TMEM71: variants seen among roughly 807,000 people sequenced by gnomAD.
TMEM71 encodes transmembrane protein 71.
TMEM71 carries 44 observed loss-of-function variants against 38.0 expected under a neutral mutation model. That is an observed-to-expected ratio of 1.16 (90% CI 0.91 to 1.49). The LOEUF is 1.49. Among genes scored for constraint, TMEM71 ranks in the 40% most tolerant of loss-of-function variants. TMEM71 has a pLI of 0.00. For missense variants in TMEM71, 367 were observed against 348.6 expected (o/e 1.05, Z -0.42); for synonymous variants, 133 against 122.5 (o/e 1.09, Z -0.56).
intron 5 of TMEM71, among the ~76,000 whole-genome samples, chr8:132,732,685 G>A (rs1047226105): frequency 6.6e-6 from 1 of 152,150 alleles, no homozygotes; most frequent in African/African-American, 2.4e-5. Context: ...AGTGACTATG[G>A]GGCTCCAAGA....
In TMEM71 at chr8:132,722,008, A is replaced by C. The variant is rs139797787; in HGVS notation, c.752+32T>G. ...CAGCTATAGTTTCACTAATTATGAAATACCGCTGCATGAAAATAAAACGTG... is the reference window on the plus strand; with the variant it reads ...CAGCTATAGTTTCACTAATTATGAACTACCGCTGCATGAAAATAAAACGTG... On this transcript the variant is annotated intron_variant, in intron 7 of 9. Coordinates refer to ENST00000677595, the MANE Select transcript of TMEM71 (RefSeq NM_001382403.1). 5.3e-4 allele frequency: 824 copies of C among 1,562,060 alleles called. 2 individuals are homozygous for C. The African/African-American group carries it at 9.7e-3, about 18-fold the overall frequency.
chr8:132,709,123 A>C (rs1826136781), downstream of TMEM71, among the ~76,000 whole-genome samples: 1 of 152,210 alleles, frequency 6.6e-6, no homozygotes, highest in Non-Finnish European at 1.5e-5. Flanking sequence ...TTATCATTTA[A>C]ATCAAATGAC....
At position 132,716,429 on chromosome 8, in the gene TMEM71, T is replaced by C. The variant is rs568765940; in HGVS notation, c.753-2214A>G. 2.3e-4 allele frequency among the ~76,000 whole-genome samples: 35 copies of C among 152,326 alleles called. 1 individual carries two copies. Among genetic ancestry groups the C allele is most frequent in the African/African-American group, 8.2e-4 (34 of 41,572 alleles). The stretch of plus-strand genomic sequence containing the variant: ...ACACTGTATATTCCATAGCATATTT[T>C]GTCTGTAAAAAAGCTACTCAGACCA... On this transcript the variant is annotated intron_variant, in intron 7 of 9. Transcript: ENST00000677595.
chr8:132,753,632 G>A (rs1010023630), intron 3 of TMEM71, among the ~76,000 whole-genome samples: 2 of 152,094 alleles, frequency 1.3e-5, no homozygotes, highest in Admixed American at 1.3e-4. Flanking sequence ...ATGGACTGCA[G>A]CATAGTGGAC....
At position 132,727,818 on chromosome 8, in the gene TMEM71, T is replaced by C. The variant is rs756497845; in HGVS notation, c.656A>G (p.Glu219Gly). Reference protein sequence around the residue: ...SQLTASERFQENSSDHSETRL... With the variant: ...SQLTASERFQGNSSDHSETRL... ...CTCACCTGAATGATCCGAACTATTC[T>C]CTTGGAAACGTTCAGAAGCTGTCAA... Residue 219 changes from glutamate to glycine, a missense_variant, in exon 6 of 10, where the codon GAG (glutamate) becomes GGG (glycine). Glu to Gly is a moderately conservative substitution (Grantham distance 98). Transcript: ENST00000677595. 1.2e-5 allele frequency: 20 copies of C among 1,612,080 alleles called. No homozygotes were observed. The highest frequency in any genetic ancestry group is 6.7e-5 in the Admixed American group (4 of 59,638).
intron 3 of TMEM71, among the ~76,000 whole-genome samples, chr8:132,753,323 TGA>T (rs1434460701): frequency 6.6e-6 from 1 of 150,948 alleles, no homozygotes; most frequent in African/African-American, 2.5e-5. Context: ...TGGTTTTTTG[TGA>T]ATCAATTAAC....
the TMEM71 span, among the ~76,000 whole-genome samples, chr8:132,766,940 A>G: frequency 2.2e-4 from 34 of 152,314 alleles, no homozygotes; most frequent in African/African-American, 8.2e-4. Flanking sequence ...AGACTTCTAA[A>G]ACATCTTAGC....
At chr8:132,707,076 A>G (rs1471370469), downstream of TMEM71, among the ~76,000 whole-genome samples, 2 of 152,242 alleles carry the variant, frequency 1.3e-5, no homozygotes, top group East Asian at 1.9e-4. Flanking sequence ...TAAAGTCTAC[A>G]AGACAAATGA....
intron 7 of TMEM71, among the ~76,000 whole-genome samples, chr8:132,718,819 T>C (rs972862197): frequency 6.6e-6 from 1 of 152,254 alleles, no homozygotes; most frequent in Non-Finnish European, 1.5e-5. Context: ...GCCAATATGA[T>C]GGGTGATGAT....
chr8:132,769,115 G>A, the TMEM71 span, among the ~76,000 whole-genome samples: 4 of 152,346 alleles, frequency 2.6e-5, no homozygotes, highest in Non-Finnish European at 5.9e-5. Context: ...AGAAATGGAA[G>A]TAGAATATTT....
At position 132,728,013 on chromosome 8, in the gene TMEM71, AGTGTGTGTGTGTGTGT is replaced by A. The variant is rs59776482; in HGVS notation, c.488-43_488-28del. ...TGAAAAAGCAGAGGGGTTCAGTGTG[AGTGTGTGTGTGTGTGT>A]GTGTGTGTGTGTGTGTGTGTTCAGT... On this transcript the variant is annotated intron_variant, in intron 5 of 9. Transcript: ENST00000677595. The A allele has an allele frequency of 3.4e-5, 37 of 1,080,654 alleles. No individual in the cohort carries two copies. In the East Asian group the frequency reaches 6.9e-4, roughly 20 times the overall value. 66.9% of individuals were successfully genotyped at this position (1,080,654 alleles called of 1,614,324 possible). A position where few individuals can be genotyped will look rare whatever the true frequency, so the allele number is the denominator to read the frequency against.
At chr8:132,746,426 T>TACAC (rs1828366184) in intron 5 of TMEM71, among the ~76,000 whole-genome samples, 1 of 19,922 alleles carries the variant, frequency 5.0e-5, no homozygotes, top group Non-Finnish European at 1.4e-4. Context: ...CACATATATA[T>TACAC]ACATATATAT....
At chr8:132,766,346 C>T in the TMEM71 span, among the ~76,000 whole-genome samples, 1 of 130,778 alleles carries the variant, frequency 7.6e-6, no homozygotes, top group East Asian at 2.2e-4. Context: ...TACACACCTC[C>T]AGGGGGAAGC....
At chr8:132,770,349 C>G in the TMEM71 span, among the ~76,000 whole-genome samples, 1 of 152,120 alleles carries the variant, frequency 6.6e-6, no homozygotes, top group Non-Finnish European at 1.5e-5. Flanking sequence ...TTAAAGAACC[C>G]ACTCATTCCC....
At chr8:132,750,905 C>T (rs1372739659) in intron 4 of TMEM71, among the ~76,000 whole-genome samples, 2 of 152,078 alleles carry the variant, frequency 1.3e-5, no homozygotes, top group Non-Finnish European at 2.9e-5. Context: ...AAGATTCCAC[C>T]CCTTTACCAT....
At chr8:132,766,493 T>C in the TMEM71 span, among the ~76,000 whole-genome samples, 1 of 152,066 alleles carries the variant, frequency 6.6e-6, no homozygotes, top group African/African-American at 2.4e-5. Context: ...TCCTCCTTTT[T>C]ACTTTAAAAA....
the TMEM71 span, chr8:132,775,244 A>T: frequency 1.9e-5 from 6 of 315,614 alleles, no homozygotes; most frequent in Non-Finnish European, 2.8e-5. Flanking sequence ...GCGGTCCGTC[A>T]ACGACCGCAA....
At chr8:132,719,682 C>G (rs936988901) in intron 7 of TMEM71, among the ~76,000 whole-genome samples, 6 of 152,154 alleles carry the variant, frequency 3.9e-5, no homozygotes, top group African/African-American at 1.4e-4. Flanking sequence ...ATTTTTAATT[C>G]AAATAAACAT....
intron 6 of TMEM71, among the ~76,000 whole-genome samples, chr8:132,722,778 A>G (rs1826927739): frequency 6.6e-6 from 1 of 152,248 alleles, no homozygotes. Flanking sequence ...TTTGTCTTTG[A>G]AAACTCTTTG....
Sources: gnomAD v4.1 joint callset for allele counts (sites outside exome capture counted in the v4.1 genomes callset) on GRCh38, gnomAD v4.1.1 for gene constraint, MANE v1.5 for transcripts, NCBI Gene and HGNC (gene_info 2026-07-23, HGNC 2026-07-21) for gene names.